Variants in CDH4 observed in about 807,000 individuals in gnomAD.
The protein encoded by CDH4 is cadherin-4.
CDH4 carries 33 observed loss-of-function variants against 86.0 expected under a neutral mutation model. That is an observed-to-expected ratio of 0.38 (90% confidence interval 0.29 to 0.51). CDH4 has a LOEUF of 0.51. Ranked by LOEUF, CDH4 falls within the 20% of genes least tolerant of loss-of-function variation. CDH4 has a pLI of 0.86. For missense variants in CDH4, 1,114 were observed against 1,307.4 expected, an observed-to-expected ratio of 0.85 and a Z score of 2.28; for synonymous variants, 555 against 549.4, an observed-to-expected ratio of 1.01 and a Z score of -0.14.
chr20:61,467,409 A>T (rs1451889352), intron 2 of CDH4, among the ~76,000 whole-genome samples: 1 of 152,160 alleles, frequency 6.6e-6, no homozygotes, highest in Non-Finnish European at 1.5e-5. Flanking sequence ...TATTTTGGGT[A>T]CTCTGTGGTC....
At chr20:61,815,258 C>T (rs1005331504) in intron 4 of CDH4, among the ~76,000 whole-genome samples, 6 of 152,188 alleles carry the variant, frequency 3.9e-5, no homozygotes, top group African/African-American at 9.7e-5. Flanking sequence ...CATCCAGCCA[C>T]GAAAAGCAAT....
chr20:61,529,122 A>T (rs1045558793), intron 2 of CDH4, among the ~76,000 whole-genome samples: 14 of 152,350 alleles, frequency 9.2e-5, no homozygotes, highest in African/African-American at 3.4e-4. Flanking sequence ...TTGATATTTC[A>T]TTCCTGAGAC....
At chr20:61,442,406 T>C (rs957690451) in intron 2 of CDH4, among the ~76,000 whole-genome samples, 1 of 129,694 alleles carries the variant, frequency 7.7e-6, no homozygotes, top group Non-Finnish European at 1.7e-5. Context: ...ATATCGCTTA[T>C]GCTCATCATC....
intron 15 of CDH4, 28 bp downstream of exon 15, chr20:61,934,248 C>T (rs776708649): frequency 2.4e-5 from 36 of 1,507,686 alleles, no homozygotes; most frequent in South Asian, 3.9e-5. Context: ...GTGGGGGGCC[C>T]GGGCAAGGTG....
At chr20:61,778,279 G>T (rs1169734640) in intron 4 of CDH4, among the ~76,000 whole-genome samples, 2 of 152,220 alleles carry the variant, frequency 1.3e-5, no homozygotes, top group African/African-American at 2.4e-5. Flanking sequence ...GGCAAGCTGA[G>T]CACAGAGCGC....
At chr20:61,445,706 C>G (rs535941238) in intron 2 of CDH4, among the ~76,000 whole-genome samples, 2 of 152,334 alleles carry the variant, frequency 1.3e-5, no homozygotes, top group African/African-American at 4.8e-5. Context: ...TTTCACAGTG[C>G]TCTCGATTTT....
At chr20:61,647,525 T>TCTCTC (rs1444445171) in intron 2 of CDH4, among the ~76,000 whole-genome samples, 2 of 69,736 alleles carry the variant, frequency 2.9e-5, no homozygotes, top group Non-Finnish European at 6.4e-5. Context: ...CACACACATA[T>TCTCTC]TCTCTCTCCC....
At chr20:61,796,494 G>T (rs1315003924) in intron 4 of CDH4, among the ~76,000 whole-genome samples, 2 of 152,218 alleles carry the variant, frequency 1.3e-5, no homozygotes, top group Non-Finnish European at 2.9e-5. Flanking sequence ...CCTGGAAAGG[G>T]GCATCCTGTA....
At chr20:61,752,434 C>T (rs2088510248) in intron 3 of CDH4, among the ~76,000 whole-genome samples, 1 of 151,356 alleles carries the variant, frequency 6.6e-6, no homozygotes, top group Admixed American at 6.6e-5. Context: ...CACTCGTATA[C>T]TCTTGATGGG....
intron 2 of CDH4, among the ~76,000 whole-genome samples, chr20:61,732,369 C>T (rs776277421): frequency 3.3e-5 from 5 of 152,086 alleles, no homozygotes; most frequent in Admixed American, 3.3e-4. Flanking sequence ...GAGGTGACCG[C>T]GTGCCTTGGA....
intron 2 of CDH4, among the ~76,000 whole-genome samples, chr20:61,636,730 G>C (rs2086950833): frequency 6.6e-6 from 1 of 152,220 alleles, no homozygotes; most frequent in Non-Finnish European, 1.5e-5. Flanking sequence ...CCCTCCCCTG[G>C]TGCCCCAGAC....
intron 5 of CDH4, 98 bp downstream of exon 5, chr20:61,844,921 A>T (rs769124345): frequency 8.1e-7 from 1 of 1,231,888 alleles, no homozygotes; most frequent in African/African-American, 1.5e-5. Flanking sequence ...TGCCTGCCCT[A>T]ACTCTACAGG....
At chr20:61,729,761 C>T (rs573799762) in intron 2 of CDH4, among the ~76,000 whole-genome samples, 5 of 152,212 alleles carry the variant, frequency 3.3e-5, no homozygotes, top group Non-Finnish European at 7.3e-5. Flanking sequence ...GGTATTTTCT[C>T]ATCAGAGAGA....
chr20:61,696,638 A>G (rs954042095), intron 2 of CDH4, among the ~76,000 whole-genome samples: 12 of 152,224 alleles, frequency 7.9e-5, no homozygotes, highest in African/African-American at 2.6e-4. Flanking sequence ...GCCCAAGTCC[A>G]CCCTCTGACC....
At chr20:61,573,682 A>AC (rs931797570) in intron 2 of CDH4, among the ~76,000 whole-genome samples, 24 of 151,798 alleles carry the variant, frequency 1.6e-4, no homozygotes, top group African/African-American at 5.8e-4. Context: ...GCCAGAGCTG[A>AC]CCCCCCATCC....
At chr20:61,385,513 G>C (rs2084946272) in intron 2 of CDH4, among the ~76,000 whole-genome samples, 1 of 152,216 alleles carries the variant, frequency 6.6e-6, no homozygotes, top group African/African-American at 2.4e-5. Flanking sequence ...TGTCTGTTCA[G>C]CTCATCTTAG....
chr20:61,584,201 C>A (rs531156541), intron 2 of CDH4, among the ~76,000 whole-genome samples: 2 of 152,266 alleles, frequency 1.3e-5, no homozygotes, highest in South Asian at 4.1e-4. Flanking sequence ...CTGCTAAACT[C>A]CTTCTAGTGG....
chr20:61,588,066 A>G (rs2086491511), intron 2 of CDH4, among the ~76,000 whole-genome samples: 1 of 152,226 alleles, frequency 6.6e-6, no homozygotes, highest in African/African-American at 2.4e-5. Flanking sequence ...CTTGCTGTTC[A>G]CACTGAATAA....
intron 4 of CDH4, among the ~76,000 whole-genome samples, chr20:61,815,316 T>C (rs1289695964): frequency 6.6e-6 from 1 of 152,146 alleles, no homozygotes; most frequent in East Asian, 1.9e-4. Flanking sequence ...GGGCTACCTG[T>C]CATGAGTCTC....
Sources: allele counts gnomAD v4.1 joint callset (sites outside exome capture counted in the v4.1 genomes callset), GRCh38; gene constraint gnomAD v4.1.1; transcripts MANE v1.5; gene names NCBI Gene and HGNC (gene_info 2026-07-23, HGNC 2026-07-21).